The following PIGO variants were observed in gnomAD, a reference collection of about 807,000 sequenced individuals.
PIGO encodes the protein phosphatidylinositol glycan anchor biosynthesis class O.
Under a neutral mutation model 86.9 loss-of-function variants are expected in PIGO, and 66 were observed. That is an observed-to-expected ratio of 0.76 (90% CI 0.62 to 0.93). The LOEUF is 0.93. Ranked by LOEUF, PIGO falls within the 40% of genes least tolerant of loss-of-function variation. The pLI, the probability that PIGO is intolerant of heterozygous loss-of-function variation, is 0.00. For missense variants in PIGO, 1,202 were observed against 1,359.1 expected, an observed-to-expected ratio of 0.88 and a Z score of 1.82; for synonymous variants, 570 against 556.4, an observed-to-expected ratio of 1.02 and a Z score of -0.34.
Position 35,094,214 on chromosome 9 carries a change from A to G in PIGO, c.655+2T>C. 6.3e-7 allele frequency: 1 copy of G among 1,588,260 alleles called. No individual in the cohort carries two copies. Reference sequence around the variant, plus strand: ...AACTAAGTGCTCTGGCCCCATGCTCACTGGTGGGGTAGAGGTGTTCCAGGA... The same window carrying G: ...AACTAAGTGCTCTGGCCCCATGCTCGCTGGTGGGGTAGAGGTGTTCCAGGA... On this transcript the variant is annotated splice_donor_variant, in intron 3 of 10. Transcript: ENST00000378617. LOFTEE classifies it high-confidence loss of function.
intron 7 of PIGO, 139 bp from the exon 8 acceptor site, chr9:35,090,811 A>C: frequency 1.3e-6 from 1 of 798,788 alleles, no homozygotes; most frequent in Non-Finnish European, 1.9e-6. Context: ...ACCTCCTTAC[A>C]GTCAACATTC....
At position 35,094,366 on chromosome 9, in the gene PIGO, G is replaced by A. The variant is rs760113080; in HGVS notation, c.512-7C>T. The A allele has an allele frequency of 1.9e-6, 3 of 1,596,294 alleles. No homozygotes were observed. The highest frequency in any genetic ancestry group is 2.6e-6 in the Non-Finnish European group (3 of 1,175,410). On this transcript the variant is annotated splice_polypyrimidine_tract_variant and splice_region_variant and intron_variant, in intron 2 of 10. Transcript: ENST00000378617. ...ATGAAGACTACACGCCTTCCTGCAGGGACATGAAAGAGAAGTCAGAGCCTG... is the reference window on the plus strand; with the variant it reads ...ATGAAGACTACACGCCTTCCTGCAGAGACATGAAAGAGAAGTCAGAGCCTG...
chr9:35,096,529 G>T lies in PIGO; in HGVS notation c.-376C>A, dbSNP rs1025595699. Reference sequence around the variant, plus strand: ...TTACTTCAGGGTGAGGGGAATACCGGGGGGTGAGGTTCTCGGGAGACCCTG... The same window carrying T: ...TTACTTCAGGGTGAGGGGAATACCGTGGGGTGAGGTTCTCGGGAGACCCTG... On this transcript the variant is annotated 5_prime_UTR_variant, in exon 1 of 11. Coordinates refer to ENST00000378617, the MANE Select transcript of PIGO (RefSeq NM_032634.4). 6.6e-6 allele frequency: 1 copy of T among 152,662 alleles called. No individual in the cohort carries two copies. 9.5% of individuals were successfully genotyped at this position (152,662 alleles called of 1,614,324 possible). A position where few individuals can be genotyped will look rare whatever the true frequency, so the allele number is the denominator to read the frequency against.
intron 1 of PIGO, 114 bp from the exon 2 acceptor site, chr9:35,095,680 A>T: frequency 7.7e-7 from 1 of 1,296,246 alleles, no homozygotes; most frequent in Non-Finnish European, 1.0e-6. Context: ...CTTCCTGGAG[A>T]TAAACCATTT....
At position 35,089,381 on chromosome 9, in the gene PIGO, T is replaced by C; in HGVS notation, c.3139A>G (p.Lys1047Glu). 1 of 1,614,186 alleles carries C rather than the reference T, an allele frequency of 6.2e-7. No individual in the cohort carries two copies. Among genetic ancestry groups the C allele is most frequent in the East Asian group, 2.2e-5 (1 of 44,876 alleles). ...HLMVWKVFAP[K>E]FIFEAVGFIV... ...TACTTCTCAAGCAAATCTACTCACT[T>C]AGGGGCAAACACTTTCCAGACCATG... The change falls in exon 10 of 11, where the codon AAG becomes GAG. Residue 1047 changes from lysine to glutamate, a missense_variant and splice_region_variant. Lys to Glu is a moderately conservative substitution (Grantham distance 56). Coordinates refer to ENST00000378617, the MANE Select transcript of PIGO (RefSeq NM_032634.4).
In PIGO at chr9:35,093,265, G is replaced by C. The variant is rs911661119; in HGVS notation, c.940-56C>G. ...CATCACAAAGCTGAAGTCAATGTTT[G>C]GGATGGCAGACATAGGGGCCTAGGT... On this transcript the variant is annotated intron_variant, in intron 5 of 10. Transcript: ENST00000378617. 3 of 1,583,776 alleles carry C rather than the reference G, an allele frequency of 1.9e-6. No homozygotes were observed. The East Asian group carries it at 6.8e-5, about 36-fold the overall frequency.
At position 35,095,041 on chromosome 9, in the gene PIGO, T is replaced by C. The variant is rs1554673649; in HGVS notation, c.511+14A>G. 1 of 1,549,818 alleles carries C rather than the reference T, an allele frequency of 6.5e-7. No individual in the cohort carries two copies. Among genetic ancestry groups the C allele is most frequent in the Non-Finnish European group, 8.7e-7 (1 of 1,147,588 alleles). On this transcript the variant is annotated intron_variant, in intron 2 of 10. Coordinates refer to ENST00000378617, the MANE Select transcript of PIGO (RefSeq NM_032634.4). ...GCCAAGGTACTTCTGGCCTTCAAAG[T>C]GGCCCACACTGACCTGCACTGGTGA...
Position 35,092,180 on chromosome 9 carries a change from C to G in PIGO, c.1707G>C (p.Glu569Asp), listed in dbSNP as rs752287920. The part of the protein sequence containing the change: ...VFFSDSFVVA[E>D]ARATPFLLGS... ...CCAAAAGGAAGGGGGTGGCCCTGGC[C>G]TCAGCTACAACAAAACTATCAGAGA... The change falls in exon 7 of 11, where the codon GAG becomes GAC. Residue 569 changes from glutamate to aspartate, a missense_variant. Coordinates refer to ENST00000378617, the MANE Select transcript of PIGO (RefSeq NM_032634.4). 1 of 1,614,160 alleles carries G rather than the reference C, an allele frequency of 6.2e-7. No individual in the cohort carries two copies. Among genetic ancestry groups the G allele is most frequent in the Non-Finnish European group, 8.5e-7 (1 of 1,180,034 alleles).
In PIGO at chr9:35,094,379, A is replaced by G; in HGVS notation, c.512-20T>C. 2 of 1,594,574 alleles carry G rather than the reference A, an allele frequency of 1.3e-6. No homozygotes were observed. On this transcript the variant is annotated intron_variant, in intron 2 of 10. Coordinates refer to ENST00000378617, the MANE Select transcript of PIGO (RefSeq NM_032634.4). ...GCCTTCCTGCAGGGACATGAAAGAGAAGTCAGAGCCTGAGCAAACGTCAGG... is the reference window on the plus strand; with the variant it reads ...GCCTTCCTGCAGGGACATGAAAGAGGAGTCAGAGCCTGAGCAAACGTCAGG...
Position 35,092,080 on chromosome 9 carries a change from G to A in PIGO, c.1807C>T (p.Pro603Ser). Residue 603 changes from proline to serine, a missense_variant, in exon 7 of 11, where the codon CCC becomes TCC. Pro to Ser is a moderately conservative substitution (Grantham distance 74). Transcript: ENST00000378617. ...QLLPPKLLTM[P>S]RLGTSATTNP... ...GTTGTGGCTGAAGTGCCAAGGCGGGGCATTGTGAGTAGCTTAGGTGGAAGC... is the reference window on the plus strand; with the variant it reads ...GTTGTGGCTGAAGTGCCAAGGCGGGACATTGTGAGTAGCTTAGGTGGAAGC... 1 of 1,614,222 alleles carries A rather than the reference G, an allele frequency of 6.2e-7. No homozygotes were observed. Among genetic ancestry groups the A allele is most frequent in the African/African-American group, 1.3e-5 (1 of 75,062 alleles).
chr9:35,095,511 C>T lies in PIGO; in HGVS notation c.55G>A (p.Ala19Thr), dbSNP rs765218861. 5 of 1,607,452 alleles carry T rather than the reference C, an allele frequency of 3.1e-6. No individual in the cohort carries two copies. The highest frequency in any genetic ancestry group is 3.4e-5 in the Admixed American group (2 of 59,306). The change falls in exon 2 of 11, where the codon GCT becomes ACT. Residue 19 changes from alanine to threonine, a missense_variant. By Grantham distance (58) the Ala-to-Thr change is moderately conservative (BLOSUM62 0). Transcript: ENST00000378617. ...FLAWVCFLFY[A>T]GIALFTSGFL... ...CCACTGGTGAAGAGGGCAATGCCAG[C>T]GTAGAAGAGGAAGCAGACCCAGGCC...
Position 35,092,537 on chromosome 9 carries a change from G to T in PIGO, c.1350C>A (p.Arg450=), listed in dbSNP as rs1186610482. ...IESWARFSLV[R]MAGGTALLAA... Reference sequence around the variant, plus strand: ...CCAAGAGAGCAGTACCCCCCGCCATGCGGACCAGAGAGAAACGAGCCCAAG... The same window carrying T: ...CCAAGAGAGCAGTACCCCCCGCCATTCGGACCAGAGAGAAACGAGCCCAAG... Residue 450 remains arginine, a synonymous_variant, in exon 7 of 11, where the codon CGC becomes CGA. Coordinates refer to ENST00000378617, the MANE Select transcript of PIGO (RefSeq NM_032634.4). The T allele has an allele frequency of 6.2e-7, 1 of 1,614,086 alleles. No homozygotes were observed. Among genetic ancestry groups the T allele is most frequent in the South Asian group, 1.1e-5 (1 of 91,090 alleles).
At chr9:35,089,985 C>T (rs1285498558) in intron 9 of PIGO, 81 bp downstream of exon 9, 1 of 1,528,326 alleles carries the variant, frequency 6.5e-7, no homozygotes, top group African/African-American at 1.4e-5. Context: ...AGGCTCTCTC[C>T]CACGGTTTTG....
In PIGO at chr9:35,095,332, C is replaced by T; in HGVS notation, c.234G>A (p.Leu78=). ...SRVVLVLIDA[L]RFDFAQPQHS... is the part of the protein sequence containing the mutation. The stretch of plus-strand genomic sequence containing the variant: ...GCTGGGGCTGGGCGAAGTCAAATCG[C>T]AGAGCATCTATCAGCACCAACACAA... The change falls in exon 2 of 11, where the codon CTG becomes CTA. Residue 78 remains leucine (L), a synonymous_variant. Transcript: ENST00000378617. 6.2e-7 allele frequency: 1 copy of T among 1,614,174 alleles called. No homozygotes were observed. The highest frequency in any genetic ancestry group is 8.5e-7 in the Non-Finnish European group (1 of 1,180,024).
At chr9:35,089,653 G>C in intron 9 of PIGO, 1 of 1,436,842 alleles carries the variant, frequency 7.0e-7, no homozygotes. Context: ...GTGACTTTGG[G>C]CAAGTCAGTA....
chr9:35,091,857 A>T lies in PIGO; in HGVS notation c.2030T>A (p.Leu677Gln). The stretch of plus-strand genomic sequence containing the variant: ...GCGCACGGCAGCTAACAGGGCCACC[A>T]GCGCCGCCACACAAGCTCCATACCA... ...NLWYGACVAA[L>Q]VALLAAVRLW... The change falls in exon 7 of 11, where the codon CTG becomes CAG. Residue 677 changes from leucine (L) to glutamine (Q), a missense_variant. Physicochemically the swap from Leu to Gln is moderately radical, Grantham distance 113. Coordinates refer to ENST00000378617, the MANE Select transcript of PIGO (RefSeq NM_032634.4). 6.2e-7 allele frequency: 1 copy of T among 1,614,170 alleles called. No homozygotes were observed. Among genetic ancestry groups the T allele is most frequent in the Non-Finnish European group, 8.5e-7 (1 of 1,180,034 alleles).
At chr9:35,092,817 T>C (rs753286339) in intron 6 of PIGO, 50 bp from the exon 7 acceptor site, 12 of 1,506,496 alleles carry the variant, frequency 8.0e-6, no homozygotes, top group South Asian at 6.3e-5. Flanking sequence ...GAGACATAAA[T>C]TGGGGCAGAG....
At position 35,091,722 on chromosome 9, in the gene PIGO, G is replaced by T; in HGVS notation, c.2165C>A (p.Ala722Glu). The T allele has an allele frequency of 6.2e-7, 1 of 1,612,048 alleles. No homozygotes were observed. The highest frequency in any genetic ancestry group is 2.2e-5 in the East Asian group (1 of 44,882). Residue 722 changes from alanine to glutamate, a missense_variant, in exon 7 of 11, where the codon GCG (alanine) becomes GAG (glutamate). Physicochemically the swap from Ala to Glu is moderately radical, Grantham distance 107 (BLOSUM62 -1). Coordinates refer to ENST00000378617, the MANE Select transcript of PIGO (RefSeq NM_032634.4). ...GGGGGGAGCCTCATCTGCCCCCGAC[G>T]CCAATGCCCAGTAGGCAGCAGTACC... ...ALGTAAYWAL[A>E]SGADEAPPRL...
rs909488930 is a variant in PIGO at position 35,091,275 on chromosome 9, T to G, written c.2612A>C (p.His871Pro). The G allele has an allele frequency of 1.2e-6, 2 of 1,609,238 alleles. No homozygotes were observed. Among genetic ancestry groups the G allele is most frequent in the African/African-American group, 2.7e-5 (2 of 74,766 alleles). The change falls in exon 7 of 11, where the codon CAT becomes CCT. Residue 871 changes from histidine (H) to proline (P), a missense_variant. By Grantham distance (77) the His-to-Pro change is moderately conservative. Coordinates refer to ENST00000378617, the MANE Select transcript of PIGO (RefSeq NM_032634.4). ...LLFLQSFLLL[H>P]LLAAGIPVTT... ...GACGGGTATCCCAGCAGCAAGCAGA[T>G]GTAGGAGAAGGAAGCTCTGCAGAAA...
Sources: gnomAD v4.1 joint callset for allele counts on GRCh38, gnomAD v4.1.1 for gene constraint, MANE v1.5 for transcripts, NCBI Gene and HGNC (gene_info 2026-07-23, HGNC 2026-07-21) for gene names.